The following PRKD1 variants were observed in gnomAD, a reference collection of about 807,000 sequenced individuals.
The protein encoded by PRKD1 is protein kinase D1.
A neutral mutation model predicts 95.9 loss-of-function variants in PRKD1; 63 were observed. That is an observed-to-expected ratio of 0.66 (90% CI 0.54 to 0.81). The LOEUF is 0.81. Among genes scored for constraint, PRKD1 ranks in the 30% least tolerant of loss-of-function variants. PRKD1 has a pLI of 0.00. For missense variants in PRKD1, 1,048 were observed against 1,165.3 expected (o/e 0.90, Z 1.47); for synonymous variants, 425 against 423.1 (o/e 1.00, Z -0.05).
At chr14:29,925,370 T>C (rs986511141) in intron 1 of PRKD1, among the ~76,000 whole-genome samples, 7 of 152,240 alleles carry the variant, frequency 4.6e-5, no homozygotes, top group African/African-American at 1.7e-4. Context: ...GATGTCGCTA[T>C]GAAAAGATTA....
At chr14:29,861,038 C>G (rs559648239) in intron 1 of PRKD1, among the ~76,000 whole-genome samples, 1 of 152,294 alleles carries the variant, frequency 6.6e-6, no homozygotes, top group South Asian at 2.1e-4. Flanking sequence ...CCATTACTTA[C>G]TTTTTAATAT....
chr14:29,612,452 T>C (rs1307639325), intron 13 of PRKD1, among the ~76,000 whole-genome samples: 2 of 152,190 alleles, frequency 1.3e-5, no homozygotes, highest in African/African-American at 4.8e-5. Flanking sequence ...AAATGCTTTA[T>C]ATAGGAGTTA....
At chr14:29,677,824 C>CA (rs1883321404) in intron 2 of PRKD1, among the ~76,000 whole-genome samples, 1 of 152,214 alleles carries the variant, frequency 6.6e-6, no homozygotes, top group South Asian at 2.1e-4. Flanking sequence ...CTTGGCCTCC[C>CA]AAAGTGCTGG....
intron 1 of PRKD1, among the ~76,000 whole-genome samples, chr14:29,891,784 T>C (rs1893946837): frequency 1.3e-5 from 2 of 152,212 alleles, no homozygotes; most frequent in Admixed American, 1.3e-4. Context: ...GCTTTAAAAG[T>C]AGGTACTTGA....
At chr14:29,640,322 A>C (rs898794691) in intron 4 of PRKD1, among the ~76,000 whole-genome samples, 8 of 152,236 alleles carry the variant, frequency 5.3e-5, no homozygotes, top group African/African-American at 1.9e-4. Flanking sequence ...AATCACATTT[A>C]CAAAAAATTT....
intron 1 of PRKD1, among the ~76,000 whole-genome samples, chr14:29,917,057 A>G (rs1201167028): frequency 2.0e-5 from 3 of 152,150 alleles, no homozygotes; most frequent in Non-Finnish European, 2.9e-5. Context: ...GAGGGGGGGA[A>G]ATGTTCATGT....
At chr14:29,697,646 GTCGTT>G (rs2139316328) in intron 2 of PRKD1, among the ~76,000 whole-genome samples, 1 of 152,148 alleles carries the variant, frequency 6.6e-6, no homozygotes, top group East Asian at 1.9e-4. Context: ...AATATAAAAT[GTCGTT>G]TCATGAATTG....
chr14:29,634,379 C>T (rs1442682371), intron 8 of PRKD1, 39 bp downstream of exon 8: 1 of 1,613,268 alleles, frequency 6.2e-7, no homozygotes, highest in Non-Finnish European at 8.5e-7. Context: ...CTAATTAAAG[C>T]TAGCAAGGCA....
At chr14:29,699,336 G>T (rs1466266470) in intron 2 of PRKD1, among the ~76,000 whole-genome samples, 2 of 152,058 alleles carry the variant, frequency 1.3e-5, no homozygotes, top group African/African-American at 4.8e-5. Flanking sequence ...CCAATACTGG[G>T]CTTTTAATTT....
At chr14:29,883,866 A>C (rs528571222) in intron 1 of PRKD1, among the ~76,000 whole-genome samples, 1 of 152,310 alleles carries the variant, frequency 6.6e-6, no homozygotes. Context: ...CTGCTCTCAG[A>C]TGCATCACTG....
chr14:29,893,369 T>G (rs1894006523), intron 1 of PRKD1, among the ~76,000 whole-genome samples: 1 of 150,624 alleles, frequency 6.6e-6, no homozygotes, highest in Non-Finnish European at 1.5e-5. Context: ...TATTTATTTC[T>G]AAAATAAAAA....
At chr14:29,718,003 G>A (rs1434483348) in intron 2 of PRKD1, among the ~76,000 whole-genome samples, 1 of 152,154 alleles carries the variant, frequency 6.6e-6, no homozygotes, top group Non-Finnish European at 1.5e-5. Flanking sequence ...TGAGGAAGAA[G>A]TGCACCAAGC....
At chr14:29,800,252 T>C (rs1384876903) in intron 1 of PRKD1, among the ~76,000 whole-genome samples, 1 of 152,180 alleles carries the variant, frequency 6.6e-6, no homozygotes, top group African/African-American at 2.4e-5. Context: ...AGAACAGAAC[T>C]TCCACAAATA....
At position 29,748,651 on chromosome 14, in the gene PRKD1, G is replaced by A. The variant is rs1457741910; in HGVS notation, c.265-22977C>T. On this transcript the variant is annotated intron_variant, in intron 1 of 17. Coordinates refer to ENST00000331968, the MANE Select transcript of PRKD1 (RefSeq NM_002742.3). ...TCAGTGTAAGCTTCCAGGAAGCAGGGATCTTGTCTACAACATTCACTGCTG... is the reference window on the plus strand; with the variant it reads ...TCAGTGTAAGCTTCCAGGAAGCAGGAATCTTGTCTACAACATTCACTGCTG... Among the ~76,000 whole-genome samples the A allele has an allele frequency of 2.0e-5, 3 of 152,152 alleles. No homozygotes were observed. In the East Asian group the frequency reaches 5.8e-4, roughly 29 times the overall value.
rs1244826666 is a variant in PRKD1 at position 29,824,924 on chromosome 14, A to AGTTGATAC, written c.265-99251_265-99250insGTATCAAC. Among the ~76,000 whole-genome samples, 48 of 152,258 alleles carry AGTTGATAC rather than the reference A, an allele frequency of 3.2e-4. 1 individual carries two copies. The highest frequency in any genetic ancestry group is 3.1e-3 in the Admixed American group (48 of 15,278). On this transcript the variant is annotated intron_variant, in intron 1 of 17. Transcript: ENST00000331968. ...ACCATATTCTTTCACTCAACTGGAC[A>AGTTGATAC]CTAACTCAGTAGATACCTACTTGTC...
At chr14:29,581,473 G>T (rs1042711161) in intron 16 of PRKD1, among the ~76,000 whole-genome samples, 2 of 152,152 alleles carry the variant, frequency 1.3e-5, no homozygotes, top group South Asian at 2.1e-4. Flanking sequence ...AAAACGTGAC[G>T]CTTCAAAAGG....
chr14:29,639,581 T>C (rs1463587849), intron 4 of PRKD1, among the ~76,000 whole-genome samples: 1 of 150,996 alleles, frequency 6.6e-6, no homozygotes, highest in African/African-American at 2.4e-5. Flanking sequence ...ATCGTGCCAC[T>C]GCACTACAGC....
intron 1 of PRKD1, among the ~76,000 whole-genome samples, chr14:29,888,347 G>T (rs1353721547): frequency 4.6e-5 from 7 of 150,900 alleles, no homozygotes; most frequent in Non-Finnish European, 7.4e-5. Flanking sequence ...GAAAGAAAGA[G>T]AAAATAAAGA....
intron 1 of PRKD1, among the ~76,000 whole-genome samples, chr14:29,803,474 CAACTT>C (rs1890115948): frequency 6.6e-6 from 1 of 152,124 alleles, no homozygotes; most frequent in African/African-American, 2.4e-5. Context: ...TTAGCATACT[CAACTT>C]GTTAAAAACA....
Sources: gnomAD v4.1 joint callset for allele counts (sites outside exome capture counted in the v4.1 genomes callset) on GRCh38, gnomAD v4.1.1 for gene constraint, MANE v1.5 for transcripts, NCBI Gene and HGNC (gene_info 2026-07-23, HGNC 2026-07-21) for gene names.